The following PCDHGA1 variants were observed in gnomAD, a reference collection of about 807,000 sequenced individuals.
PCDHGA1 encodes the protein protocadherin gamma-A1.
In PCDHGA1, 32 loss-of-function variants were observed where a neutral mutation model predicts 58.0. The observed-to-expected ratio is 0.55, with a 90% CI of 0.42 to 0.74. PCDHGA1 has a LOEUF of 0.74. PCDHGA1 is among the 30% of genes least tolerant of loss of function. The pLI, the probability that PCDHGA1 is intolerant of heterozygous loss-of-function variation, is 0.00. For missense variants in PCDHGA1, 1,205 were observed against 1,182.3 expected, an observed-to-expected ratio of 1.02 and a Z score of -0.28; for synonymous variants, 498 against 501.1, an observed-to-expected ratio of 0.99 and a Z score of 0.08.
chr5:141,410,841 G>GT, intron 1 of PCDHGA1: 1 of 214,604 alleles, frequency 4.7e-6, no homozygotes, highest in Non-Finnish European at 7.8e-6. Context: ...AAGATATTTT[G>GT]TCTTTGTCTT....
Position 141,431,297 on chromosome 5 carries a change from C to G in PCDHGA1, c.2422-63510C>G. Reference sequence around the variant, plus strand: ...GCTCAGCCCGAACACTCACTTCTCCCTCATCGTGCAAAATGGAGCCGACGG... The same window carrying G: ...GCTCAGCCCGAACACTCACTTCTCCGTCATCGTGCAAAATGGAGCCGACGG... On this transcript the variant is annotated intron_variant, in intron 1 of 3. Transcript: ENST00000517417. The surrounding 1 kb of genome is among the most constrained non-coding windows in gnomAD (Gnocchi z 4.8). The G allele has an allele frequency of 6.2e-7, 1 of 1,614,126 alleles. No individual in the cohort carries two copies. The highest frequency in any genetic ancestry group is 8.5e-7 in the Non-Finnish European group (1 of 1,180,036).
At chr5:141,430,902 T>C (rs373775073) in intron 1 of PCDHGA1, 4 of 1,606,232 alleles carry the variant, frequency 2.5e-6, no homozygotes, top group Admixed American at 3.4e-5. Context: ...GTGGGCGACA[T>C]CTCCAGGGAC....
chr5:141,413,351 C>A (rs774333807), intron 1 of PCDHGA1: 6 of 1,613,932 alleles, frequency 3.7e-6, no homozygotes, highest in South Asian at 1.1e-5. Flanking sequence ...TTGGGTCTGG[C>A]GCCCCGGGAG....
intron 1 of PCDHGA1, chr5:141,417,887 C>A: frequency 6.4e-7 from 1 of 1,564,888 alleles, no homozygotes; most frequent in Non-Finnish European, 8.7e-7. Context: ...GCAGAGGCGC[C>A]GGGCCGGCCC....
intron 1 of PCDHGA1, chr5:141,371,810 G>A (rs374995933): frequency 5.6e-6 from 9 of 1,613,756 alleles, no homozygotes; most frequent in Middle Eastern, 1.6e-4. Context: ...CCTCCATTGC[G>A]CATGTCAGAG....
chr5:141,385,190 G>A (rs899564761), intron 1 of PCDHGA1: 5 of 1,614,048 alleles, frequency 3.1e-6, no homozygotes, highest in African/African-American at 1.3e-5. Context: ...GCGGACTCTC[G>A]GAAGAGTCAC....
intron 1 of PCDHGA1, chr5:141,410,614 G>A: frequency 6.2e-7 from 1 of 1,604,858 alleles, no homozygotes; most frequent in South Asian, 1.1e-5. Flanking sequence ...CTGAGACTCT[G>A]ACTTCGGTGA....
Position 141,376,575 on chromosome 5 carries a change from C to T in PCDHGA1, c.2421+43470C>T, listed in dbSNP as rs149813666. ...CCCGCAACCCAACTAATCAGACAGG[C>T]TCATCAGCTAGATCGGCTGTTATAG... On this transcript the variant is annotated intron_variant, in intron 1 of 3. Transcript: ENST00000517417. 4.5e-5 allele frequency: 72 copies of T among 1,597,700 alleles called. No individual in the cohort carries two copies. The East Asian group carries it at 1.4e-3, about 32-fold the overall frequency.
At position 141,399,350 on chromosome 5, in the gene PCDHGA1, G is replaced by A. The variant is rs746925566; in HGVS notation, c.2421+66245G>A. On this transcript the variant is annotated intron_variant, in intron 1 of 3. Transcript: ENST00000517417. ...TTGGTAACAGATGGAACCCTAGACC[G>A]AGAGCAAACCCCGGAGTACAATGTC... is the stretch of plus-strand genomic sequence containing the variant. The A allele has an allele frequency of 6.8e-6, 11 of 1,613,966 alleles. No individual in the cohort carries two copies. The South Asian group carries it at 1.1e-4, about 16-fold the overall frequency.
chr5:141,355,095 G>C lies in PCDHGA1; in HGVS notation c.2421+21990G>C. On this transcript the variant is annotated intron_variant, in intron 1 of 3. Coordinates refer to ENST00000517417, the MANE Select transcript of PCDHGA1 (RefSeq NM_018912.3). ...AAAGCTTCAAGCGGAAGCCCTGAGA[G>C]CTCTGGCTGTGAATGCACTTTATTT... 2.0e-6 allele frequency: 3 copies of C among 1,488,958 alleles called. No homozygotes were observed. In the South Asian group the frequency reaches 4.2e-5, roughly 21 times the overall value. The allele number at this position is 1,488,958 out of a possible 1,614,324, so 92.2% of individuals were successfully genotyped here. A position where few individuals can be genotyped will look rare whatever the true frequency, so the allele number is the denominator to read the frequency against.
chr5:141,401,250 GA>G (rs1387561920), intron 1 of PCDHGA1, among the ~76,000 whole-genome samples: 4 of 152,148 alleles, frequency 2.6e-5, no homozygotes, highest in African/African-American at 9.7e-5. Flanking sequence ...GCTAAGACAG[GA>G]GAATTGCTTG....
chr5:141,404,707 C>A, intron 1 of PCDHGA1: 1 of 1,614,122 alleles, frequency 6.2e-7, no homozygotes, highest in South Asian at 1.1e-5. Flanking sequence ...CAGAGCCTGG[C>A]TACCTGGTGA....
chr5:141,465,440 A>T (rs1478987071), intron 1 of PCDHGA1, among the ~76,000 whole-genome samples: 1 of 152,194 alleles, frequency 6.6e-6, no homozygotes, highest in Non-Finnish European at 1.5e-5. Flanking sequence ...CTTAATGATT[A>T]CCCAAGAAAA....
intron 1 of PCDHGA1, chr5:141,365,876 G>T: frequency 1.2e-6 from 2 of 1,614,122 alleles, no homozygotes; most frequent in Non-Finnish European, 1.7e-6. Context: ...TGTCCTGTAT[G>T]CTCTGAGATC....
chr5:141,371,939 C>G (rs1561553418), intron 1 of PCDHGA1: 6 of 1,613,300 alleles, frequency 3.7e-6, no homozygotes, highest in Non-Finnish European at 5.1e-6. Context: ...GGGTGGTGTT[C>G]GCGCAGCGAG....
intron 1 of PCDHGA1, chr5:141,345,222 T>C: frequency 6.2e-7 from 1 of 1,613,756 alleles, no homozygotes; most frequent in Admixed American, 1.7e-5. Context: ...GTTAGAAAAA[T>C]CAATAGATCA....
intron 1 of PCDHGA1, chr5:141,344,216 G>C (rs199728541): frequency 6.2e-7 from 1 of 1,614,038 alleles, no homozygotes; most frequent in South Asian, 1.1e-5. Flanking sequence ...AGCTGGCGGA[G>C]CGCGGAGTCC....
intron 1 of PCDHGA1, chr5:141,415,799 C>T (rs1037967294): frequency 5.2e-6 from 7 of 1,335,782 alleles, no homozygotes; most frequent in Non-Finnish European, 6.7e-6. Context: ...CACCTAGTCT[C>T]AATCAAGGCC....
chr5:141,364,661 G>A (rs369366226), intron 1 of PCDHGA1: 127 of 1,614,028 alleles, frequency 7.9e-5, no homozygotes, highest in Non-Finnish European at 1.0e-4. Flanking sequence ...CATCTTGGTT[G>A]AGAACAAAAT....
Sources: allele counts gnomAD v4.1 joint callset (sites outside exome capture counted in the v4.1 genomes callset), GRCh38; gene constraint gnomAD v4.1.1; non-coding constraint Gnocchi (gnomAD v3.1); transcripts MANE v1.5; gene names NCBI Gene and HGNC (gene_info 2026-07-23, HGNC 2026-07-21).